UNC13C: variants seen among roughly 807,000 people sequenced by gnomAD.
UNC13C encodes unc-13 homolog C, also known as protein unc-13 homolog C.
In UNC13C, 174 loss-of-function variants were observed where a neutral mutation model predicts 245.4. The ratio of observed to expected loss-of-function variants is 0.71; its 90% CI spans 0.63 to 0.80. UNC13C has a LOEUF of 0.80. Ranked by LOEUF, UNC13C falls within the 30% of genes least tolerant of loss-of-function variation. UNC13C has a pLI of 0.00. For missense variants in UNC13C, 2,829 were observed against 2,602.9 expected (o/e 1.09, Z -1.89); for synonymous variants, 992 against 895.1 (o/e 1.11, Z -1.93).
intron 24 of UNC13C, among the ~76,000 whole-genome samples, chr15:54,516,799 CA>C (rs59628073): frequency 6.9e-4 from 85 of 123,540 alleles, no homozygotes; most frequent in Non-Finnish European, 8.2e-4. Flanking sequence ...GATGCTGTCT[CA>C]AAAAAAAAAA....
At chr15:54,104,378 T>A (rs1900326363) in intron 2 of UNC13C, among the ~76,000 whole-genome samples, 1 of 152,206 alleles carries the variant, frequency 6.6e-6, no homozygotes, top group Non-Finnish European at 1.5e-5. Context: ...CTATGCTAAC[T>A]TAAAAAAATA....
chr15:54,102,197 T>C (rs1196912112), intron 2 of UNC13C, among the ~76,000 whole-genome samples: 2 of 151,866 alleles, frequency 1.3e-5, no homozygotes, highest in Non-Finnish European at 2.9e-5. Context: ...GTATTATAGC[T>C]TGGAGTCTAG....
chr15:54,242,386 A>C (rs2035877405), intron 7 of UNC13C, among the ~76,000 whole-genome samples: 1 of 152,126 alleles, frequency 6.6e-6, no homozygotes, highest in African/African-American at 2.4e-5. Flanking sequence ...ATATTTTTTC[A>C]GCAAGTTGTC....
At chr15:54,166,082 T>G (rs2033154224) in intron 4 of UNC13C, among the ~76,000 whole-genome samples, 1 of 152,094 alleles carries the variant, frequency 6.6e-6, no homozygotes, top group Admixed American at 6.5e-5. Context: ...ATTTTTGGCT[T>G]ATGTATCAAA....
intron 2 of UNC13C, among the ~76,000 whole-genome samples, chr15:54,071,141 C>A (rs1390028275): frequency 6.6e-6 from 1 of 152,090 alleles, no homozygotes; most frequent in Non-Finnish European, 1.5e-5. Flanking sequence ...GAAATATAGA[C>A]TAGGCATAGC....
intron 11 of UNC13C, among the ~76,000 whole-genome samples, chr15:54,297,395 C>A (rs1246337870): frequency 1.3e-5 from 2 of 152,074 alleles, no homozygotes; most frequent in African/African-American, 4.8e-5. Flanking sequence ...CTCTGTTAGA[C>A]AAGGTGAAGT....
intron 19 of UNC13C, among the ~76,000 whole-genome samples, chr15:54,489,881 C>G (rs1227230408): frequency 2.6e-5 from 4 of 152,178 alleles, no homozygotes; most frequent in Non-Finnish European, 5.9e-5. Context: ...GTACTGTCCT[C>G]AAGATCAGAC....
chr15:54,615,814 C>T (rs752159770), intron 30 of UNC13C, among the ~76,000 whole-genome samples: 5 of 151,958 alleles, frequency 3.3e-5, no homozygotes, highest in Non-Finnish European at 7.4e-5. Context: ...GACAATCTAA[C>T]CAATTCTGTG....
At chr15:54,096,001 G>C (rs1899841377) in intron 2 of UNC13C, among the ~76,000 whole-genome samples, 1 of 152,256 alleles carries the variant, frequency 6.6e-6, no homozygotes, top group Admixed American at 6.5e-5. Flanking sequence ...AGTAAGCAAA[G>C]GTGCAGACCT....
At chr15:54,494,837 T>C (rs1305332705) in intron 20 of UNC13C, 103 bp downstream of exon 20, 5 of 1,341,990 alleles carry the variant, frequency 3.7e-6, no homozygotes, top group Middle Eastern at 1.8e-4. Context: ...ATAATCTTCA[T>C]TGGAATGCAG....
At chr15:54,057,751 A>G (rs1484512163) in intron 2 of UNC13C, among the ~76,000 whole-genome samples, 1 of 152,250 alleles carries the variant, frequency 6.6e-6, no homozygotes, top group African/African-American at 2.4e-5. Context: ...TAGAAATTAT[A>G]ACAAACTGTC....
chr15:54,398,041 G>T (rs2040106814), intron 18 of UNC13C, among the ~76,000 whole-genome samples: 1 of 151,274 alleles, frequency 6.6e-6, no homozygotes. Context: ...TAATCTCATA[G>T]GGAAAGCATA....
chr15:54,226,994 C>G (rs2140802076), intron 4 of UNC13C, among the ~76,000 whole-genome samples: 1 of 152,228 alleles, frequency 6.6e-6, no homozygotes, highest in East Asian at 1.9e-4. Context: ...CATGTTTCAG[C>G]CCTGTTTATG....
At chr15:54,129,274 C>T (rs1004401545) in intron 2 of UNC13C, among the ~76,000 whole-genome samples, 6 of 152,166 alleles carry the variant, frequency 3.9e-5, no homozygotes, top group African/African-American at 1.4e-4. Flanking sequence ...TACATCCACA[C>T]TGCTAGATTA....
At chr15:53,976,477 C>CTCT (rs1325952003), upstream of UNC13C, among the ~76,000 whole-genome samples, 1 of 63,020 alleles carries the variant, frequency 1.6e-5, no homozygotes, top group East Asian at 5.0e-4. Flanking sequence ...CTCTCTCTCT[C>CTCT]TTTTTTTTTT....
intron 26 of UNC13C, among the ~76,000 whole-genome samples, chr15:54,538,538 T>G (rs914878412): frequency 6.6e-6 from 1 of 152,062 alleles, no homozygotes; most frequent in East Asian, 1.9e-4. Flanking sequence ...TAAAGACACA[T>G]GCATGCGTAT....
At chr15:54,519,132 G>A (rs1895107222) in intron 24 of UNC13C, among the ~76,000 whole-genome samples, 1 of 151,940 alleles carries the variant, frequency 6.6e-6, no homozygotes, top group Non-Finnish European at 1.5e-5. Context: ...GTTGAACTAT[G>A]TGATTTCAGA....
At chr15:54,379,397 T>G (rs896805448) in intron 17 of UNC13C, among the ~76,000 whole-genome samples, 1 of 152,168 alleles carries the variant, frequency 6.6e-6, no homozygotes, top group Non-Finnish European at 1.5e-5. Context: ...AACTCATGAC[T>G]GATACTGGCA....
the UNC13C span, among the ~76,000 whole-genome samples, chr15:53,935,692 T>C: frequency 6.6e-6 from 1 of 152,092 alleles, no homozygotes; most frequent in Non-Finnish European, 1.5e-5. Flanking sequence ...GGTGGGGTGA[T>C]GGCCCACCTA....
Sources: allele counts gnomAD v4.1 joint callset (sites outside exome capture counted in the v4.1 genomes callset), GRCh38; gene constraint gnomAD v4.1.1; transcripts MANE v1.5; gene names NCBI Gene and HGNC (gene_info 2026-07-23, HGNC 2026-07-21).